WWOX: variants seen among roughly 807,000 people sequenced by gnomAD.
The protein encoded by WWOX is WW domain containing oxidoreductase.
A neutral mutation model predicts 46.2 loss-of-function variants in WWOX; 69 were observed. The ratio of observed to expected loss-of-function variants is 1.49; its 90% CI spans 1.23 to 1.82. The LOEUF is 1.82. Among genes scored for constraint, WWOX ranks in the 40% most tolerant of loss-of-function variants. The pLI is 0.00. For synonymous variants in WWOX, 359 were observed against 202.6 expected (o/e 1.77, Z -6.56); for missense variants, 919 against 542.6 (o/e 1.69, Z -6.89).
chr16:78,912,234 A>G (rs1218787775), intron 8 of WWOX, among the ~76,000 whole-genome samples: 1 of 152,060 alleles, frequency 6.6e-6, no homozygotes, highest in Admixed American at 6.6e-5. Flanking sequence ...GTTTTGAAGC[A>G]TGTCCTATCA....
intron 8 of WWOX, among the ~76,000 whole-genome samples, chr16:78,624,514 C>T (rs1433242494): frequency 6.6e-6 from 1 of 152,188 alleles, no homozygotes; most frequent in Non-Finnish European, 1.5e-5. Context: ...AGGACAATAT[C>T]TTTAATAGCT....
At chr16:78,645,766 T>A (rs2046824978) in intron 8 of WWOX, among the ~76,000 whole-genome samples, 1 of 152,230 alleles carries the variant, frequency 6.6e-6, no homozygotes, top group South Asian at 2.1e-4. Flanking sequence ...AATTTCAACA[T>A]GAGATTTGGA....
chr16:78,315,279 A>G (rs2080335988), intron 5 of WWOX, among the ~76,000 whole-genome samples: 1 of 152,236 alleles, frequency 6.6e-6, no homozygotes, highest in Non-Finnish European at 1.5e-5. Context: ...ATGAGAAGTG[A>G]AACTGTTTTT....
chr16:79,103,912 C>A (rs537078080), intron 8 of WWOX, among the ~76,000 whole-genome samples: 54 of 151,992 alleles, frequency 3.6e-4, no homozygotes, highest in African/African-American at 1.3e-3. Flanking sequence ...AGGCAAAGAG[C>A]TCCTTAATTG....
intron 8 of WWOX, among the ~76,000 whole-genome samples, chr16:78,569,749 G>C (rs985082663): frequency 6.6e-6 from 1 of 152,168 alleles, no homozygotes; most frequent in Non-Finnish European, 1.5e-5. Context: ...TTTATAAAGT[G>C]CTTCTTCCTT....
intron 8 of WWOX, among the ~76,000 whole-genome samples, chr16:78,574,954 T>A (rs2044812746): frequency 7.7e-6 from 1 of 129,198 alleles, no homozygotes; most frequent in Non-Finnish European, 1.6e-5. Context: ...AGTAATCAAA[T>A]CATTACTTTA....
chr16:78,542,918 C>T (rs986616301), intron 8 of WWOX, among the ~76,000 whole-genome samples: 2 of 152,296 alleles, frequency 1.3e-5, no homozygotes, highest in African/African-American at 4.8e-5. Flanking sequence ...CAATGTCTTT[C>T]TGTAGCCAGA....
At chr16:78,793,120 T>C (rs2050648585) in intron 8 of WWOX, among the ~76,000 whole-genome samples, 1 of 152,214 alleles carries the variant, frequency 6.6e-6, no homozygotes, top group East Asian at 1.9e-4. Flanking sequence ...TTGCTCAGGC[T>C]GGAGTGAAGT....
At chr16:78,864,795 C>T (rs1320849042) in intron 8 of WWOX, among the ~76,000 whole-genome samples, 3 of 125,762 alleles carry the variant, frequency 2.4e-5, no homozygotes, top group Non-Finnish European at 3.2e-5. Flanking sequence ...GACAGTCTCA[C>T]TCTATTGCCC....
chr16:78,775,327 G>T (rs562366680), intron 8 of WWOX, among the ~76,000 whole-genome samples: 1 of 152,164 alleles, frequency 6.6e-6, no homozygotes, highest in Non-Finnish European at 1.5e-5. Flanking sequence ...GAGAATCACA[G>T]TGTGTCATCC....
chr16:78,943,655 A>G (rs1201542319), intron 8 of WWOX, among the ~76,000 whole-genome samples: 2 of 152,182 alleles, frequency 1.3e-5, no homozygotes, highest in African/African-American at 2.4e-5. Flanking sequence ...AGCTGAAAAA[A>G]TCCAGAAGAG....
At chr16:79,003,676 C>T (rs1042887019) in intron 8 of WWOX, among the ~76,000 whole-genome samples, 6 of 152,170 alleles carry the variant, frequency 3.9e-5, no homozygotes, top group East Asian at 1.9e-4. Context: ...CTCAGCTGGT[C>T]TCAGCTCGTG....
At chr16:78,842,159 C>T (rs957299110) in intron 8 of WWOX, among the ~76,000 whole-genome samples, 1 of 151,996 alleles carries the variant, frequency 6.6e-6, no homozygotes, top group Admixed American at 6.6e-5. Flanking sequence ...AGTTCATTTT[C>T]AACCGATTCA....
intron 8 of WWOX, among the ~76,000 whole-genome samples, chr16:78,458,920 C>T (rs7195517): frequency 6.6e-6 from 1 of 152,086 alleles, no homozygotes; most frequent in African/African-American, 2.4e-5. Context: ...TCATTTCCAA[C>T]AATATTCATT....
intron 5 of WWOX, among the ~76,000 whole-genome samples, chr16:78,365,191 C>A (rs1165945867): frequency 1.3e-5 from 2 of 152,148 alleles, no homozygotes; most frequent in East Asian, 3.9e-4. Flanking sequence ...GCAAAGTGCC[C>A]AGTTTAGTGC....
intron 5 of WWOX, among the ~76,000 whole-genome samples, chr16:78,293,343 C>G (rs1169617769): frequency 6.6e-6 from 1 of 152,198 alleles, no homozygotes; most frequent in Non-Finnish European, 1.5e-5. Context: ...TTTGCACTCT[C>G]TCCTGCCAGA....
intron 8 of WWOX, among the ~76,000 whole-genome samples, chr16:78,819,000 G>C (rs973344052): frequency 6.6e-6 from 1 of 152,180 alleles, no homozygotes; most frequent in African/African-American, 2.4e-5. Context: ...ATTGTGCTTA[G>C]CTCTAGAATG....
At chr16:78,130,828 AAC>A (rs1174978741) in intron 4 of WWOX, among the ~76,000 whole-genome samples, 2 of 152,202 alleles carry the variant, frequency 1.3e-5, no homozygotes, top group African/African-American at 4.8e-5. Context: ...GAGGATACAA[AAC>A]ACACCAAAAT....
chr16:78,866,798 C>T (rs1356208572), intron 8 of WWOX, among the ~76,000 whole-genome samples: 1 of 152,214 alleles, frequency 6.6e-6, no homozygotes, highest in East Asian at 1.9e-4. Flanking sequence ...GTATCTTGAG[C>T]TAGGACCATA....
Sources: gnomAD v4.1 joint callset for allele counts (sites outside exome capture counted in the v4.1 genomes callset) on GRCh38, gnomAD v4.1.1 for gene constraint, MANE v1.5 for transcripts, NCBI Gene and HGNC (gene_info 2026-07-23, HGNC 2026-07-21) for gene names.